The following PCDH17 variants were observed in gnomAD, a reference collection of about 807,000 sequenced individuals.
PCDH17 encodes the protein protocadherin 17.
PCDH17 carries 21 observed loss-of-function variants against 67.7 expected under a neutral mutation model. That is an observed-to-expected ratio of 0.31 (90% CI 0.22 to 0.45). The LOEUF is 0.45. Ranked by LOEUF, PCDH17 falls within the 20% of genes least tolerant of loss-of-function variation. The pLI is 1.00. For missense variants in PCDH17, 1,471 were observed against 1,564.8 expected, an observed-to-expected ratio of 0.94 and a Z score of 1.01; for synonymous variants, 701 against 656.7, an observed-to-expected ratio of 1.07 and a Z score of -1.03.
chr13:57,645,154 T>A (rs904781170), intron 1 of PCDH17, among the ~76,000 whole-genome samples: 3 of 151,710 alleles, frequency 2.0e-5, no homozygotes, highest in African/African-American at 7.2e-5. Context: ...AACTAATGAA[T>A]GATATTAAGT....
chr13:57,630,333 C>T (rs900374128), upstream of PCDH17, among the ~76,000 whole-genome samples: 6 of 150,358 alleles, frequency 4.0e-5, no homozygotes, highest in African/African-American at 1.5e-4. Flanking sequence ...AGAGACCACC[C>T]GTGACAGAAA....
At chr13:57,688,550 C>A (rs535939987) in intron 3 of PCDH17, among the ~76,000 whole-genome samples, 2 of 152,030 alleles carry the variant, frequency 1.3e-5, no homozygotes, top group Admixed American at 1.3e-4. Context: ...TATGTGTGTG[C>A]ACATGTTTGT....
intron 3 of PCDH17, among the ~76,000 whole-genome samples, chr13:57,712,258 T>G (rs193048468): frequency 1.3e-5 from 2 of 151,874 alleles, no homozygotes; most frequent in African/African-American, 4.8e-5. Flanking sequence ...CTTAAAAATG[T>G]ACACATTCAC....
At chr13:57,654,130 T>C (rs1955075741) in intron 1 of PCDH17, among the ~76,000 whole-genome samples, 2 of 152,160 alleles carry the variant, frequency 1.3e-5, no homozygotes, top group Non-Finnish European at 2.9e-5. Context: ...ATGTTAATTA[T>C]ATGGTTAAGA....
chr13:57,665,340 G>C (rs1424647390), intron 1 of PCDH17, among the ~76,000 whole-genome samples: 1 of 150,392 alleles, frequency 6.6e-6, no homozygotes, highest in Admixed American at 6.6e-5. Flanking sequence ...TTCAGTAATC[G>C]CTCACAAATT....
At chr13:57,677,225 T>C (rs1955401660) in intron 3 of PCDH17, among the ~76,000 whole-genome samples, 1 of 151,844 alleles carries the variant, frequency 6.6e-6, no homozygotes. Flanking sequence ...TTGGGACTTA[T>C]GAAACCTATT....
intron 3 of PCDH17, among the ~76,000 whole-genome samples, chr13:57,677,028 C>T (rs1383155847): frequency 6.6e-6 from 1 of 151,656 alleles, no homozygotes; most frequent in African/African-American, 2.4e-5. Context: ...TGTCTTGTGC[C>T]CACTATGCAT....
intron 3 of PCDH17, among the ~76,000 whole-genome samples, chr13:57,690,663 T>G (rs1955550244): frequency 6.6e-6 from 1 of 151,644 alleles, no homozygotes; most frequent in Non-Finnish European, 1.5e-5. Flanking sequence ...ATATTTAATG[T>G]ATACTTATGA....
At chr13:57,671,580 C>T (rs1483783902) in intron 3 of PCDH17, among the ~76,000 whole-genome samples, 1 of 151,922 alleles carries the variant, frequency 6.6e-6, no homozygotes, top group Non-Finnish European at 1.5e-5. Flanking sequence ...TTAGCAATAA[C>T]TTTTTCTTCA....
At chr13:57,720,281 C>A (rs1380915052) in intron 3 of PCDH17, among the ~76,000 whole-genome samples, 2 of 151,842 alleles carry the variant, frequency 1.3e-5, no homozygotes, top group Non-Finnish European at 1.5e-5. Flanking sequence ...ATGTCCAAAT[C>A]CATTTTAATT....
rs1262861752 is a variant in PCDH17 at position 57,725,824 on chromosome 13, A to G, written c.*530A>G. 2 of 152,878 alleles carry G rather than the reference A, an allele frequency of 1.3e-5. No individual in the cohort carries two copies. Among genetic ancestry groups the G allele is most frequent in the African/African-American group, 4.8e-5 (2 of 41,468 alleles). 9.5% of individuals were successfully genotyped at this position (152,878 alleles called of 1,614,324 possible). A position where few individuals can be genotyped will look rare whatever the true frequency, so the allele number is the denominator to read the frequency against. On this transcript the variant is annotated 3_prime_UTR_variant, in exon 4 of 4. Transcript: ENST00000377918. ...AGTCCAAGCTACACCAAACATTAACACATATTTGTGGTAAACATTTCTGTA... is the reference window on the plus strand; with the variant it reads ...AGTCCAAGCTACACCAAACATTAACGCATATTTGTGGTAAACATTTCTGTA...
At chr13:57,705,921 A>G (rs1421002803) in intron 3 of PCDH17, among the ~76,000 whole-genome samples, 1 of 151,998 alleles carries the variant, frequency 6.6e-6, no homozygotes, top group Non-Finnish European at 1.5e-5. Flanking sequence ...AGGCTGAGGC[A>G]GGAGAATCAC....
chr13:57,721,453 A>G (rs890159471), intron 3 of PCDH17, among the ~76,000 whole-genome samples: 3 of 152,024 alleles, frequency 2.0e-5, no homozygotes, highest in African/African-American at 7.2e-5. Flanking sequence ...AATTTAACAT[A>G]TCTATTCCAG....
chr13:57,677,967 T>A (rs1374570691), intron 3 of PCDH17, among the ~76,000 whole-genome samples: 1 of 151,660 alleles, frequency 6.6e-6, no homozygotes, highest in African/African-American at 2.4e-5. Flanking sequence ...TTAGAAGAAA[T>A]AAGTTCAAGA....
intron 3 of PCDH17, among the ~76,000 whole-genome samples, chr13:57,701,054 A>G (rs1047048626): frequency 8.5e-5 from 13 of 152,100 alleles, no homozygotes; most frequent in Admixed American, 6.6e-5. Context: ...TTGAGTCACC[A>G]TTTTTTGAGT....
intron 3 of PCDH17, among the ~76,000 whole-genome samples, chr13:57,678,161 A>C (rs1455443372): frequency 6.6e-6 from 1 of 151,100 alleles, no homozygotes; most frequent in African/African-American, 2.4e-5. Context: ...ATATATATAT[A>C]TCTCGAAACA....
intron 3 of PCDH17, among the ~76,000 whole-genome samples, chr13:57,684,978 A>G (rs1196882029): frequency 6.6e-6 from 1 of 151,972 alleles, no homozygotes; most frequent in African/African-American, 2.4e-5. Flanking sequence ...AATACAGCAC[A>G]GTAATTAATT....
intron 1 of PCDH17, among the ~76,000 whole-genome samples, chr13:57,651,954 A>G (rs543941973): frequency 4.0e-4 from 61 of 152,308 alleles, no homozygotes; most frequent in African/African-American, 1.4e-3. Context: ...GCCTAAATAT[A>G]AGCAGTTGCA....
intron 1 of PCDH17, among the ~76,000 whole-genome samples, chr13:57,652,619 A>G (rs1004796377): frequency 2.6e-5 from 4 of 152,222 alleles, no homozygotes; most frequent in African/African-American, 9.6e-5. Flanking sequence ...AAGTTTCTAC[A>G]AAAGAACTGT....
Sources: gnomAD v4.1 joint callset for allele counts (sites outside exome capture counted in the v4.1 genomes callset) on GRCh38, gnomAD v4.1.1 for gene constraint, MANE v1.5 for transcripts, NCBI Gene and HGNC (gene_info 2026-07-23, HGNC 2026-07-21) for gene names.